Variants in MAPK14 observed in about 807,000 individuals in gnomAD.
MAPK14 encodes the protein CSAID-binding protein.
Under a neutral mutation model 49.6 loss-of-function variants are expected in MAPK14, and 16 were observed. That is an observed-to-expected ratio of 0.32 (90% confidence interval 0.22 to 0.49). The LOEUF (loss-of-function observed/expected upper bound fraction) is 0.49, where lower values mean the gene tolerates loss of function less well. MAPK14 is among the 20% of genes least tolerant of loss of function. The pLI is 0.99. For missense variants in MAPK14, 200 were observed against 441.2 expected (o/e 0.45, Z 4.90); for synonymous variants, 142 against 158.0 (o/e 0.90, Z 0.76).
intron 10 of MAPK14, 179 bp downstream of exon 10, chr6:36,102,828 G>A: frequency 9.6e-7 from 1 of 1,036,676 alleles, no homozygotes; most frequent in African/African-American, 1.6e-5. Context: ...AATCACATGA[G>A]ATGATTGTAT....
intron 8 of MAPK14, among the ~76,000 whole-genome samples, chr6:36,077,762 G>A (rs951345274): frequency 5.3e-5 from 8 of 151,994 alleles, no homozygotes; most frequent in African/African-American, 1.7e-4. Context: ...CCTACCTCTG[G>A]ATTTTAAATT....
chr6:36,124,131 C>CCTCT, the MAPK14 span, among the ~76,000 whole-genome samples: 2 of 77,302 alleles, frequency 2.6e-5, no homozygotes, highest in Non-Finnish European at 5.1e-5. Context: ...TCCCTCCCTC[C>CCTCT]CTCCCTCCCT....
At position 36,108,579 on chromosome 6, in the gene MAPK14, TGTGCGTGC is replaced by T; in HGVS notation, c.*136_*143del. On this transcript the variant is annotated 3_prime_UTR_variant, in exon 12 of 12. Transcript: ENST00000229794. ...CATGGTGGAAGGGGGTGTGCGTGCG[TGTGCGTGC>T]GTGTTAGTGTGTGTGCATGTGTGTG... is the stretch of plus-strand genomic sequence containing the variant. 1.4e-6 allele frequency: 1 copy of T among 711,280 alleles called. No homozygotes were observed. The highest frequency in any genetic ancestry group is 2.5e-6 in the Non-Finnish European group (1 of 394,726). 44.1% of individuals were successfully genotyped at this position (711,280 alleles called of 1,614,324 possible). A position where few individuals can be genotyped will look rare whatever the true frequency, so the allele number is the denominator to read the frequency against.
At chr6:36,043,804 CTTTTTTTTTTTTTTTT>C (rs796534477) in intron 1 of MAPK14, among the ~76,000 whole-genome samples, 1 of 90,396 alleles carries the variant, frequency 1.1e-5, no homozygotes, top group Non-Finnish European at 2.1e-5. Context: ...CTTTTTCTTT[CTTTTTTTTTTTTTTTT>C]TTTTTTTGAG....
chr6:36,070,606 GTC>G (rs1480380725), intron 3 of MAPK14, among the ~76,000 whole-genome samples: 1 of 152,098 alleles, frequency 6.6e-6, no homozygotes, highest in African/African-American at 2.4e-5. Flanking sequence ...TACATTTAGA[GTC>G]TACTCTTTCC....
At chr6:36,060,039 ACC>A (rs1270382498) in intron 3 of MAPK14, among the ~76,000 whole-genome samples, 1 of 152,110 alleles carries the variant, frequency 6.6e-6, no homozygotes, top group Admixed American at 6.5e-5. Flanking sequence ...AGCCTGGGAT[ACC>A]CCTAGAAAGC....
chr6:36,078,814 A>T (rs1435342551), intron 8 of MAPK14, among the ~76,000 whole-genome samples: 1 of 151,830 alleles, frequency 6.6e-6, no homozygotes, highest in African/African-American at 2.4e-5. Context: ...CTGTGTAGAT[A>T]CAGCTTTGAT....
chr6:36,035,052 C>T (rs1279896093), intron 1 of MAPK14, among the ~76,000 whole-genome samples: 1 of 152,028 alleles, frequency 6.6e-6, no homozygotes, highest in Non-Finnish European at 1.5e-5. Flanking sequence ...GCATGTGCCA[C>T]CACACCTGGC....
intron 8 of MAPK14, among the ~76,000 whole-genome samples, chr6:36,090,079 T>G (rs1765156977): frequency 6.6e-6 from 1 of 152,236 alleles, no homozygotes; most frequent in Non-Finnish European, 1.5e-5. Flanking sequence ...CCACTTGCCA[T>G]CAGTTACTGC....
rs751640278 is a variant in MAPK14 at position 36,107,844 on chromosome 6, A to C, written c.1015+216A>C. Among the ~76,000 whole-genome samples the C allele has an allele frequency of 1.3e-5, 2 of 152,220 alleles. No homozygotes were observed. Among genetic ancestry groups the C allele is most frequent in the African/African-American group, 2.4e-5 (1 of 41,464 alleles). On this transcript the variant is annotated intron_variant, in intron 11 of 11. Coordinates refer to ENST00000229794, the MANE Select transcript of MAPK14 (RefSeq NM_139012.3). The surrounding 1 kb of genome is among the most constrained non-coding windows in gnomAD (Gnocchi z 4.3). ...TCTGATTTTATGCACAGCCCCTCACATAGGAGTTTTGCATGGAGAGTTGAG... is the reference window on the plus strand; with the variant it reads ...TCTGATTTTATGCACAGCCCCTCACCTAGGAGTTTTGCATGGAGAGTTGAG...
the MAPK14 span, among the ~76,000 whole-genome samples, chr6:36,122,944 G>A: frequency 2.0e-5 from 3 of 152,130 alleles, no homozygotes; most frequent in Admixed American, 6.6e-5. Context: ...GAATGTGGAC[G>A]TCACAAAGCC....
rs780319980 is a variant in MAPK14 at position 36,102,610 on chromosome 6, A to G, written c.802A>G (p.Met268Val). The change falls in exon 10 of 12, where the codon ATG becomes GTG. Residue 268 changes from methionine (M) to valine (V), a missense_variant. Met to Val is a conservative substitution (Grantham distance 21). Around this residue, in one of 2 missense-constraint regions of MAPK14, gnomAD observed 170 missense variants for 407.0 expected, o/e 0.42. Transcript: ENST00000229794. ...TCAGTCTTTGACTCAGATGCCGAAGATGAACTTTGCGAATGTATTTATTGG... is the reference window on the plus strand; with the variant it reads ...TCAGTCTTTGACTCAGATGCCGAAGGTGAACTTTGCGAATGTATTTATTGG... ...YIQSLTQMPK[M>V]NFANVFIGAN... The G allele has an allele frequency of 6.2e-7, 1 of 1,614,102 alleles. No individual in the cohort carries two copies. The highest frequency in any genetic ancestry group is 2.2e-5 in the East Asian group (1 of 44,868).
intron 1 of MAPK14, among the ~76,000 whole-genome samples, chr6:36,043,173 A>C (rs1232180058): frequency 1.3e-5 from 2 of 152,096 alleles, no homozygotes; most frequent in African/African-American, 4.8e-5. Context: ...AATACTATAT[A>C]TGTAATTACA....
intron 8 of MAPK14, among the ~76,000 whole-genome samples, chr6:36,084,922 A>G (rs887520088): frequency 2.0e-5 from 3 of 148,154 alleles, no homozygotes; most frequent in Non-Finnish European, 4.5e-5. Flanking sequence ...AAGGGCAGCC[A>G]GAGAGAAAGG....
At chr6:36,084,362 AGAAG>A (rs1764891847) in intron 8 of MAPK14, among the ~76,000 whole-genome samples, 1 of 152,248 alleles carries the variant, frequency 6.6e-6, no homozygotes, top group Non-Finnish European at 1.5e-5. Flanking sequence ...ATGAATTGAC[AGAAG>A]TAGACTTCCG....
chr6:36,064,792 A>T (rs1763978462), intron 3 of MAPK14, among the ~76,000 whole-genome samples: 1 of 152,248 alleles, frequency 6.6e-6, no homozygotes, highest in Non-Finnish European at 1.5e-5. Context: ...ATAACAGTAA[A>T]TAAGAGCTGA....
At chr6:36,091,356 A>C (rs907246411) in intron 8 of MAPK14, among the ~76,000 whole-genome samples, 1 of 151,826 alleles carries the variant, frequency 6.6e-6, no homozygotes, top group African/African-American at 2.4e-5. Flanking sequence ...CATTTGTTTT[A>C]GAAAGATTCA....
chr6:36,073,497 A>T (rs1764390944), intron 4 of MAPK14, among the ~76,000 whole-genome samples, 194 bp from the exon 5 acceptor site: 1 of 152,224 alleles, frequency 6.6e-6, no homozygotes, highest in South Asian at 2.1e-4. Flanking sequence ...TAAAAGCTCA[A>T]CTGAGTGGAG....
intron 3 of MAPK14, among the ~76,000 whole-genome samples, chr6:36,070,498 G>A (rs1018890313): frequency 2.0e-5 from 3 of 152,224 alleles, no homozygotes; most frequent in African/African-American, 7.2e-5. Context: ...GCTTGCTGCA[G>A]TGCTGGACAC....
Sources: allele counts gnomAD v4.1 joint callset (sites outside exome capture counted in the v4.1 genomes callset), GRCh38; gene constraint gnomAD v4.1.1; regional missense constraint gnomAD v4.1.1; non-coding constraint Gnocchi (gnomAD v3.1); transcripts MANE v1.5; gene names NCBI Gene and HGNC (gene_info 2026-07-23, HGNC 2026-07-21).